The following KCNK16 variants were observed in gnomAD, a reference collection of about 807,000 sequenced individuals.
KCNK16 encodes potassium two pore domain channel subfamily K member 16.
KCNK16 carries 23 observed loss-of-function variants against 23.0 expected under a neutral mutation model. The ratio of observed to expected loss-of-function variants is 1.00; its 90% CI spans 0.72 to 1.41. KCNK16 has a LOEUF of 1.41. KCNK16 is among the 40% of genes most tolerant of loss of function. The pLI, the probability that KCNK16 is intolerant of heterozygous loss-of-function variation, is 0.00. For missense variants in KCNK16, 327 were observed against 365.8 expected (o/e 0.89, Z 0.87); for synonymous variants, 145 against 153.5 (o/e 0.94, Z 0.41).
chr6:39,318,606 C>A (rs183979568), intron 2 of KCNK16, among the ~76,000 whole-genome samples: 1 of 152,172 alleles, frequency 6.6e-6, no homozygotes, highest in African/African-American at 2.4e-5. Context: ...TTCTGCACAT[C>A]TCTCTCTACC....
rs1438023984 is a variant in KCNK16 at position 39,319,771 on chromosome 6, GTGTGGTGGTT to G, written c.214-648_214-639del. Among the ~76,000 whole-genome samples, 11 of 151,720 alleles carry G rather than the reference GTGTGGTGGTT, an allele frequency of 7.3e-5. No individual in the cohort carries two copies. Among genetic ancestry groups the G allele is most frequent in the African/African-American group, 2.7e-4 (11 of 41,110 alleles). ...AGTGTGTGTGTGTGTGTGTGTGTGT[GTGTGGTGGTT>G]GTTTATATGTGATGTGTTGTATGCA... On this transcript the variant is annotated intron_variant, in intron 1 of 4. Coordinates refer to ENST00000437525, the MANE Select transcript of KCNK16 (RefSeq NM_001135106.2). The surrounding 1 kb of genome is among the most constrained non-coding windows in gnomAD (Gnocchi z 4.2).
At chr6:39,320,028 C>T (rs1762459368) in intron 1 of KCNK16, among the ~76,000 whole-genome samples, 1 of 152,196 alleles carries the variant, frequency 6.6e-6, no homozygotes, top group South Asian at 2.1e-4. Flanking sequence ...TGTGGACTGT[C>T]TCAGAGCAGC....
rs1535500 is a variant in KCNK16, at chr6:39,316,274, G to T, written c.830C>A (p.Ala277Glu). ...GGGGAGCCCACTGGGGTCAGAGGCT[G>T]CCCCATCCTTGACGCCGAGGCCCCT... ...LSRGLGVKDG[A>E]ASDPSGLPRP... Residue 277 changes from alanine (A) to glutamate (E), a missense_variant, in exon 5 of 5, where the codon GCA (alanine) becomes GAA (glutamate). Transcript: ENST00000437525. The T allele has an allele frequency of 0.51, 807,126 of 1,587,940 alleles. 210,679 individuals are homozygous for T. Among genetic ancestry groups the T allele is most frequent in the African/African-American group, 0.85 (63,119 of 74,626 alleles).
rs1175600252 is a variant in KCNK16, at chr6:39,319,348, C to T, written c.214-215G>A. ...GACTCCAACTCCAGTGTCTGTTCCA[C>T]TGTCTGTTCCACTGGCCAGGGCTGA... On this transcript the variant is annotated intron_variant, in intron 1 of 4. Coordinates refer to ENST00000437525, the MANE Select transcript of KCNK16 (RefSeq NM_001135106.2). This position sits in a 1 kb window ranked among gnomAD's most constrained non-coding sequence, Gnocchi z 4.2. 1.3e-5 allele frequency among the ~76,000 whole-genome samples: 2 copies of T among 151,834 alleles called. No homozygotes were observed.
Position 39,316,653 on chromosome 6 carries a change from T to C in KCNK16, c.661+129A>G, listed in dbSNP as rs998288686. The C allele has an allele frequency of 1.8e-5, 22 of 1,250,870 alleles. No homozygotes were observed. The Admixed American group carries it at 3.1e-4, about 18-fold the overall frequency. 77.5% of individuals were successfully genotyped at this position (1,250,870 alleles called of 1,614,324 possible). A position where few individuals can be genotyped will look rare whatever the true frequency, so the allele number is the denominator to read the frequency against. On this transcript the variant is annotated intron_variant, in intron 4 of 4. Coordinates refer to ENST00000437525, the MANE Select transcript of KCNK16 (RefSeq NM_001135106.2). ...GAATCCACAGTAGTCCCAGAAATCA[T>C]TGGTTTGGCTCCCTTGAATGACCAA... is the stretch of plus-strand genomic sequence containing the variant.
In KCNK16 at chr6:39,316,288, GC is replaced by G; in HGVS notation, c.815del (p.Gly272AlafsTer?). ...CQLWLLSRGL[G>X]VKDGAASDPS... ...GGTCAGAGGCTGCCCCATCCTTGACGCCGAGGCCCCTACTGAGCAGCCAGAG... is the reference window on the plus strand; with the variant it reads ...GGTCAGAGGCTGCCCCATCCTTGACGCGAGGCCCCTACTGAGCAGCCAGAG... On this transcript the variant is annotated frameshift_variant, in exon 5 of 5. Coordinates refer to ENST00000437525, the MANE Select transcript of KCNK16 (RefSeq NM_001135106.2). LOFTEE classifies it high-confidence loss of function. 1 of 1,598,760 alleles carries G rather than the reference GC, an allele frequency of 6.3e-7. No individual in the cohort carries two copies. Among genetic ancestry groups the G allele is most frequent in the South Asian group, 1.1e-5 (1 of 88,076 alleles).
downstream of KCNK16, chr6:39,314,873 C>T: frequency 1.1e-6 from 1 of 930,516 alleles, no homozygotes; most frequent in Non-Finnish European, 1.6e-6. Flanking sequence ...GCCACTTGTC[C>T]ATGAGCTTGG....
Position 39,322,507 on chromosome 6 carries a change from C to T in KCNK16, c.34G>A (p.Gly12Ser), listed in dbSNP as rs1283403510. The stretch of plus-strand genomic sequence containing the variant: ...GCCAGCAGCAGGGGCAGCACCCGGC[C>T]ACCCCAGCAGCTGCAGAGCCCAGCA... ...PSAGLCSCWG[G>S]RVLPLLLAYV... The change falls in exon 1 of 5, where the codon GGC becomes AGC. Residue 12 changes from glycine (G) to serine (S), a missense_variant. Physicochemically the swap from Gly to Ser is moderately conservative, Grantham distance 56. Transcript: ENST00000437525. 1.1e-5 allele frequency: 17 copies of T among 1,610,204 alleles called. No individual in the cohort carries two copies. Among genetic ancestry groups the T allele is most frequent in the Admixed American group, 5.0e-5 (3 of 59,720 alleles).
downstream of KCNK16, chr6:39,315,280 A>G: frequency 6.3e-7 from 1 of 1,578,976 alleles, no homozygotes; most frequent in African/African-American, 1.4e-5. Flanking sequence ...CCAGACCTGG[A>G]GAATGCATTC....
chr6:39,314,641 C>T (rs980365901), downstream of KCNK16: 6 of 416,800 alleles, frequency 1.4e-5, no homozygotes, highest in East Asian at 1.8e-4. Flanking sequence ...GCCCAGAGCC[C>T]CCTCACATTT....
chr6:39,317,635 C>T, intron 3 of KCNK16, 151 bp downstream of exon 3: 1 of 846,780 alleles, frequency 1.2e-6, no homozygotes, highest in Non-Finnish European at 1.7e-6. Context: ...CAACTCCCCA[C>T]TCTGCCCAAC....
chr6:39,316,475 G>T (rs1295839423), intron 4 of KCNK16, 33 bp from the exon 5 acceptor site: 1 of 1,568,336 alleles, frequency 6.4e-7, no homozygotes. Context: ...CAATGCCAGG[G>T]GTCTCAGGGC....
At chr6:39,321,168 C>T (rs1301375706) in intron 1 of KCNK16, among the ~76,000 whole-genome samples, 3 of 152,154 alleles carry the variant, frequency 2.0e-5, no homozygotes, top group Admixed American at 6.5e-5. Context: ...TCGGCAGGTG[C>T]GGAGTGGGGC....
At chr6:39,317,658 C>G in intron 3 of KCNK16, 128 bp downstream of exon 3, 1 of 1,071,058 alleles carries the variant, frequency 9.3e-7, no homozygotes, top group African/African-American at 1.6e-5. Flanking sequence ...TGCCTTCACC[C>G]TTCCTCTTTC....
upstream of KCNK16, chr6:39,322,709 G>T: frequency 9.0e-7 from 1 of 1,105,712 alleles, no homozygotes; most frequent in Non-Finnish European, 1.2e-6. Context: ...GTGCGGCTCA[G>T]CTTGGCTGCA....
rs985595456 is a variant in KCNK16, at chr6:39,319,787, T to G, written c.214-654A>C. ...TGTGTGTGTGTGTGGTGGTTGTTTA[T>G]ATGTGATGTGTTGTATGCACGTGTT... On this transcript the variant is annotated intron_variant, in intron 1 of 4. Transcript: ENST00000437525. The surrounding 1 kb of genome is among the most constrained non-coding windows in gnomAD (Gnocchi z 4.2). 6.6e-6 allele frequency among the ~76,000 whole-genome samples: 1 copy of G among 152,056 alleles called. No homozygotes were observed. Among genetic ancestry groups the G allele is most frequent in the Middle Eastern group, 3.4e-3 (1 of 292 alleles).
intron 4 of KCNK16, 146 bp from the exon 5 acceptor site, chr6:39,316,588 T>A: frequency 8.2e-7 from 1 of 1,218,508 alleles, no homozygotes; most frequent in South Asian, 1.5e-5. Flanking sequence ...TGCAGGGTGG[T>A]GATGGGTCCT....
intron 1 of KCNK16, among the ~76,000 whole-genome samples, chr6:39,320,936 G>A (rs2113856795): frequency 6.6e-6 from 1 of 152,246 alleles, no homozygotes; most frequent in East Asian, 1.9e-4. Flanking sequence ...TGGTACTATG[G>A]TCCCCCAACT....
chr6:39,316,271 G>A lies in KCNK16; in HGVS notation c.833C>T (p.Ala278Val), dbSNP rs762773879. The A allele has an allele frequency of 6.3e-7, 1 of 1,586,546 alleles. No homozygotes were observed. Among genetic ancestry groups the A allele is most frequent in the Non-Finnish European group, 8.6e-7 (1 of 1,167,222 alleles). ...SRGLGVKDGA[A>V]SDPSGLPRPQ... The stretch of plus-strand genomic sequence containing the variant: ...CCTGGGGAGCCCACTGGGGTCAGAG[G>A]CTGCCCCATCCTTGACGCCGAGGCC... Residue 278 changes from alanine (A) to valine (V), a missense_variant, in exon 5 of 5, where the codon GCC becomes GTC. Physicochemically the swap from Ala to Val is moderately conservative, Grantham distance 64 (BLOSUM62 0). Coordinates refer to ENST00000437525, the MANE Select transcript of KCNK16 (RefSeq NM_001135106.2).
Sources: gnomAD v4.1 joint callset for allele counts (sites outside exome capture counted in the v4.1 genomes callset) on GRCh38, gnomAD v4.1.1 for gene constraint, Gnocchi (gnomAD v3.1) non-coding constraint, MANE v1.5 for transcripts, NCBI Gene and HGNC (gene_info 2026-07-23, HGNC 2026-07-21) for gene names.